The following EXOC6B variants were observed in gnomAD, a reference collection of about 807,000 sequenced individuals.
EXOC6B encodes the protein exocyst complex component 6B.
A neutral mutation model predicts 113.5 loss-of-function variants in EXOC6B; 54 were observed. The ratio of observed to expected loss-of-function variants is 0.48; its 90% CI spans 0.38 to 0.60. EXOC6B has a LOEUF of 0.60. EXOC6B is among the 20% of genes least tolerant of loss of function. The probability of loss-of-function intolerance (pLI) is 0.00; values close to 1 mark genes in which losing one functional copy is unlikely to be tolerated. For synonymous variants in EXOC6B, 357 were observed against 339.0 expected (o/e 1.05, Z -0.58); for missense variants, 797 against 977.5 (o/e 0.82, Z 2.46).
At chr2:72,348,113 G>T (rs926706473) in intron 19 of EXOC6B, among the ~76,000 whole-genome samples, 6 of 152,142 alleles carry the variant, frequency 3.9e-5, no homozygotes, top group Non-Finnish European at 5.9e-5. Flanking sequence ...TCAGTGTCTA[G>T]TCGGACCTGC....
chr2:72,687,895 G>C (rs553005207), intron 6 of EXOC6B, among the ~76,000 whole-genome samples: 16 of 152,160 alleles, frequency 1.1e-4, no homozygotes, highest in South Asian at 2.1e-4. Flanking sequence ...AGCTTACATA[G>C]TGCATGCTGA....
At chr2:72,815,809 T>G (rs971602671) in intron 1 of EXOC6B, among the ~76,000 whole-genome samples, 41 of 152,152 alleles carry the variant, frequency 2.7e-4, no homozygotes, top group Admixed American at 2.6e-3. Context: ...CCAGATATAT[T>G]CATCATTTTA....
chr2:72,346,756 A>G (rs1052972756), intron 19 of EXOC6B, among the ~76,000 whole-genome samples: 3 of 152,184 alleles, frequency 2.0e-5, no homozygotes, highest in Admixed American at 6.5e-5. Flanking sequence ...AAGGAGGAAG[A>G]GTTAAGGAAA....
rs531748977 is a variant in EXOC6B at position 72,434,254 on chromosome 2, C to A, written c.1980+30906G>T. 2.0e-5 allele frequency among the ~76,000 whole-genome samples: 3 copies of A among 152,248 alleles called. No individual in the cohort carries two copies. The East Asian group carries it at 5.8e-4, about 29-fold the overall frequency. On this transcript the variant is annotated intron_variant, in intron 18 of 21. Transcript: ENST00000272427. ...CAGCGTTGCATCCCAGGGATGAACC[C>A]AACTTGATCATGGTGGATAAGCTTT...
intron 20 of EXOC6B, among the ~76,000 whole-genome samples, chr2:72,266,731 G>A (rs1459458873): frequency 1.3e-5 from 2 of 152,142 alleles, no homozygotes; most frequent in Non-Finnish European, 2.9e-5. Context: ...TTGACTTGGT[G>A]ATGCGGGCTC....
At chr2:72,392,132 C>T (rs1021720236) in intron 18 of EXOC6B, among the ~76,000 whole-genome samples, 9 of 152,058 alleles carry the variant, frequency 5.9e-5, no homozygotes, top group African/African-American at 1.5e-4. Context: ...CTCACAGGCC[C>T]GCTGCTCTGG....
chr2:72,193,833 G>C (rs1242145996), intron 20 of EXOC6B, among the ~76,000 whole-genome samples: 3 of 151,524 alleles, frequency 2.0e-5, no homozygotes, highest in Non-Finnish European at 2.9e-5. Context: ...TTCTCTGCTT[G>C]TTCTCATCAC....
At chr2:72,255,354 A>T (rs1683290159) in intron 20 of EXOC6B, among the ~76,000 whole-genome samples, 1 of 152,266 alleles carries the variant, frequency 6.6e-6, no homozygotes, top group Non-Finnish European at 1.5e-5. Flanking sequence ...ATGGGCTGAT[A>T]AAGCTACTTA....
chr2:72,425,416 G>T (rs958795763), intron 18 of EXOC6B, among the ~76,000 whole-genome samples: 2 of 152,062 alleles, frequency 1.3e-5, no homozygotes, highest in Admixed American at 6.6e-5. Flanking sequence ...TTACTGATTG[G>T]AAGACATATT....
intron 6 of EXOC6B, among the ~76,000 whole-genome samples, chr2:72,588,484 T>C (rs1705722433): frequency 6.6e-6 from 1 of 151,906 alleles, no homozygotes; most frequent in South Asian, 2.1e-4. Flanking sequence ...GTCAGACTAA[T>C]AGAAATAGAA....
chr2:72,813,961 A>G (rs1351011613), intron 1 of EXOC6B, among the ~76,000 whole-genome samples: 1 of 152,058 alleles, frequency 6.6e-6, no homozygotes, highest in Non-Finnish European at 1.5e-5. Context: ...TTGCAAAGGG[A>G]AAAAAAACAT....
chr2:72,773,240 T>C (rs1206484123), intron 1 of EXOC6B, among the ~76,000 whole-genome samples: 1 of 148,892 alleles, frequency 6.7e-6, no homozygotes, highest in African/African-American at 2.5e-5. Context: ...GATCCTCCCA[T>C]GTCAGCCTCT....
intron 1 of EXOC6B, among the ~76,000 whole-genome samples, chr2:72,791,810 C>T (rs2105037949): frequency 6.6e-6 from 1 of 152,282 alleles, no homozygotes; most frequent in South Asian, 2.1e-4. Flanking sequence ...AATCTGGCCT[C>T]ACCACAATAA....
chr2:72,823,644 G>A (rs1427004399), intron 1 of EXOC6B, among the ~76,000 whole-genome samples: 1 of 151,874 alleles, frequency 6.6e-6, no homozygotes, highest in Non-Finnish European at 1.5e-5. Flanking sequence ...AATTAGCCAG[G>A]TATGGTGGCG....
At chr2:72,205,213 G>A (rs1423203688) in intron 20 of EXOC6B, among the ~76,000 whole-genome samples, 1 of 152,196 alleles carries the variant, frequency 6.6e-6, no homozygotes, top group Non-Finnish European at 1.5e-5. Flanking sequence ...TATGAGAGAT[G>A]AGGAAGCCCC....
chr2:72,229,076 G>A (rs1322569278), intron 20 of EXOC6B, among the ~76,000 whole-genome samples: 2 of 152,188 alleles, frequency 1.3e-5, no homozygotes, highest in Non-Finnish European at 2.9e-5. Context: ...TTTGAGAAGT[G>A]TCTGTTCATA....
At chr2:72,614,911 G>A (rs1403727285) in intron 6 of EXOC6B, among the ~76,000 whole-genome samples, 1 of 152,100 alleles carries the variant, frequency 6.6e-6, no homozygotes, top group Admixed American at 6.6e-5. Context: ...CATCCAAGAT[G>A]ATCCTCAGGA....
chr2:72,450,797 C>T (rs1696865644), intron 18 of EXOC6B, among the ~76,000 whole-genome samples: 2 of 152,038 alleles, frequency 1.3e-5, no homozygotes, highest in African/African-American at 4.8e-5. Context: ...TTGACTGGGG[C>T]CATAAACTAA....
At chr2:72,731,448 A>G (rs982822824) in intron 3 of EXOC6B, among the ~76,000 whole-genome samples, 2 of 152,180 alleles carry the variant, frequency 1.3e-5, no homozygotes, top group African/African-American at 4.8e-5. Flanking sequence ...AGATACATAC[A>G]ATACTAGGAA....
Sources: gnomAD v4.1 joint callset for allele counts (sites outside exome capture counted in the v4.1 genomes callset) on GRCh38, gnomAD v4.1.1 for gene constraint, MANE v1.5 for transcripts, NCBI Gene and HGNC (gene_info 2026-07-23, HGNC 2026-07-21) for gene names.